Variants in SUSD1 observed in about 807,000 individuals in gnomAD.
SUSD1 encodes sushi domain-containing protein 1.
In SUSD1, 65 loss-of-function variants were observed where a neutral mutation model predicts 86.9. The ratio of observed to expected loss-of-function variants is 0.75; its 90% CI spans 0.61 to 0.92. The LOEUF is 0.92. Among genes scored for constraint, SUSD1 ranks in the 40% least tolerant of loss-of-function variants. The pLI is 0.00. For missense variants in SUSD1, 850 were observed against 929.7 expected (o/e 0.91, Z 1.11); for synonymous variants, 346 against 350.0 (o/e 0.99, Z 0.13).
chr9:112,102,185 G>A lies in SUSD1; in HGVS notation c.1272C>T (p.His424=), dbSNP rs1211618529. Residue 424 remains histidine (H), a synonymous_variant, in exon 9 of 17, where the codon CAC becomes CAT. Transcript: ENST00000374270. ...NRRSRKVGSE[H]MYQFTVLGQR... ...TAAGAGATCTCCTTACTTGGTACAT[G>A]TGTTCTGATCCAACTTTCCTAGAAC... The A allele has an allele frequency of 1.3e-6, 2 of 1,580,364 alleles. No homozygotes were observed. Among genetic ancestry groups the A allele is most frequent in the East Asian group, 2.3e-5 (1 of 43,728 alleles).
chr9:112,167,690 T>C (rs1293115130), intron 1 of SUSD1, among the ~76,000 whole-genome samples: 2 of 152,138 alleles, frequency 1.3e-5, no homozygotes, highest in Non-Finnish European at 2.9e-5. Flanking sequence ...CCTGTAAATC[T>C]GTAAAATGAG....
chr9:112,125,661 T>C (rs904436769), intron 5 of SUSD1, among the ~76,000 whole-genome samples: 7 of 152,234 alleles, frequency 4.6e-5, no homozygotes, highest in African/African-American at 1.7e-4. Context: ...AATTAAGCCC[T>C]CCTAACATCC....
chr9:112,167,738 A>T (rs973409033), intron 1 of SUSD1, among the ~76,000 whole-genome samples: 2 of 152,214 alleles, frequency 1.3e-5, no homozygotes, highest in African/African-American at 4.8e-5. Flanking sequence ...TGTTGTGAGG[A>T]TTCAAAAGTA....
intron 13 of SUSD1, among the ~76,000 whole-genome samples, chr9:112,060,428 AT>A (rs1316006466): frequency 6.6e-6 from 1 of 151,874 alleles, no homozygotes; most frequent in Non-Finnish European, 1.5e-5. Context: ...TGCCCGGTTA[AT>A]TTTTTTTGTA....
intron 10 of SUSD1, among the ~76,000 whole-genome samples, chr9:112,088,328 C>A (rs570264805): frequency 6.6e-6 from 1 of 151,798 alleles, no homozygotes; most frequent in Middle Eastern, 3.4e-3. Flanking sequence ...TGGGGCGAGG[C>A]GGAAGAGTGA....
chr9:112,095,519 T>C (rs1358129931), intron 10 of SUSD1, among the ~76,000 whole-genome samples: 1 of 152,198 alleles, frequency 6.6e-6, no homozygotes, highest in Non-Finnish European at 1.5e-5. Context: ...GAAATGCCAC[T>C]AGCCCAGGGG....
At chr9:112,100,823 C>A (rs991425150) in intron 9 of SUSD1, among the ~76,000 whole-genome samples, 8 of 140,740 alleles carry the variant, frequency 5.7e-5, no homozygotes, top group Non-Finnish European at 1.1e-4. Flanking sequence ...CAGAGCAAGA[C>A]TCCATCTCAA....
chr9:112,064,046 T>TGG (rs58850509), intron 12 of SUSD1, among the ~76,000 whole-genome samples: 2,032 of 77,630 alleles, frequency 0.026, 62 homozygotes, highest in Admixed American at 0.11. Flanking sequence ...TTTCTTTTTT[T>TGG]GGGGGGGGGG....
intron 5 of SUSD1, among the ~76,000 whole-genome samples, chr9:112,131,170 G>A (rs1322795290): frequency 6.6e-6 from 1 of 152,194 alleles, no homozygotes; most frequent in East Asian, 1.9e-4. Context: ...TATTCAAACT[G>A]TGGTTTGTAT....
chr9:112,101,132 C>T (rs1014807949), intron 9 of SUSD1, among the ~76,000 whole-genome samples: 31 of 151,600 alleles, frequency 2.0e-4, no homozygotes, highest in South Asian at 6.3e-4. Flanking sequence ...GAAGCTGAGG[C>T]GGGTGGATCA....
intron 5 of SUSD1, among the ~76,000 whole-genome samples, chr9:112,137,173 T>C (rs1277900801): frequency 6.6e-6 from 1 of 152,098 alleles, no homozygotes; most frequent in Non-Finnish European, 1.5e-5. Flanking sequence ...CTCTAGAGAA[T>C]CAGGCTTTGC....
chr9:112,143,140 A>C (rs2131759091), intron 4 of SUSD1, among the ~76,000 whole-genome samples: 1 of 151,158 alleles, frequency 6.6e-6, no homozygotes, highest in Non-Finnish European at 1.5e-5. Flanking sequence ...GCCCACCACC[A>C]CACCTGGCTA....
chr9:112,048,221 T>G (rs1828038312), intron 15 of SUSD1, among the ~76,000 whole-genome samples: 1 of 152,196 alleles, frequency 6.6e-6, no homozygotes, highest in South Asian at 2.1e-4. Context: ...TTCGGGAGCT[T>G]AAGTACATCT....
intron 1 of SUSD1, among the ~76,000 whole-genome samples, chr9:112,165,925 A>AAGAAAGAAAGAAAGAAGAAC (rs1196611550): frequency 0.01 from 894 of 88,290 alleles, 19 homozygotes; most frequent in African/African-American, 0.046. Flanking sequence ...AAGAAAGAAA[A>AAGAAAGAAAGAAAGAAGAAC]GAAAGAAAGA....
chr9:112,161,393 A>AG (rs1833562638), intron 1 of SUSD1, among the ~76,000 whole-genome samples: 1 of 151,250 alleles, frequency 6.6e-6, no homozygotes. Context: ...AAAAAAAAAA[A>AG]TTCATAATGA....
At chr9:112,165,942 GAAGAAAGAAAGAAAGA>G (rs10525522) in intron 1 of SUSD1, among the ~76,000 whole-genome samples, 1,198 of 71,962 alleles carry the variant, frequency 0.017, 31 homozygotes, top group African/African-American at 0.063. Flanking sequence ...AAGAAAGAAA[GAAGAAAGAAAGAAAGA>G]AAGAAAGAAA....
chr9:112,070,151 A>G (rs551306306), intron 12 of SUSD1, among the ~76,000 whole-genome samples: 37 of 152,144 alleles, frequency 2.4e-4, no homozygotes, highest in African/African-American at 8.7e-4. Flanking sequence ...GATTACAGGC[A>G]TGCACCACCA....
intron 1 of SUSD1, among the ~76,000 whole-genome samples, chr9:112,166,153 A>G (rs966099360): frequency 6.6e-6 from 1 of 152,194 alleles, no homozygotes; most frequent in Non-Finnish European, 1.5e-5. Context: ...GTGGTTTCCA[A>G]AGAAATACAG....
At chr9:112,146,544 A>G (rs994995680) in intron 3 of SUSD1, among the ~76,000 whole-genome samples, 1 of 151,878 alleles carries the variant, frequency 6.6e-6, no homozygotes, top group Non-Finnish European at 1.5e-5. Context: ...CTTACATAAA[A>G]TATTTTTTTC....
Sources: allele counts gnomAD v4.1 joint callset (sites outside exome capture counted in the v4.1 genomes callset), GRCh38; gene constraint gnomAD v4.1.1; transcripts MANE v1.5; gene names NCBI Gene and HGNC (gene_info 2026-07-23, HGNC 2026-07-21).